The following TET2 variants were observed in gnomAD, a reference collection of about 807,000 sequenced individuals.
TET2 encodes tet methylcytosine dioxygenase 2, also known as methylcytosine dioxygenase TET2.
In TET2, 299 loss-of-function variants were observed where a neutral mutation model predicts 142.9. The observed-to-expected ratio is 2.09, with a 90% CI of 1.90 to 2.30. TET2 has a LOEUF of 2.30. Among genes scored for constraint, TET2 ranks in the 30% most tolerant of loss-of-function variants. The pLI is 0.00. For synonymous variants in TET2, 819 were observed against 849.0 expected (o/e 0.96, Z 0.61); for missense variants, 2,418 against 2,378.0 (o/e 1.02, Z -0.35).
chr4:105,218,090 T>C (rs1350732486), intron 2 of TET2, among the ~76,000 whole-genome samples: 1 of 152,124 alleles, frequency 6.6e-6, no homozygotes, highest in African/African-American at 2.4e-5. Context: ...ATTCTGATTT[T>C]TAATTTTCAA....
rs2110313085 is a variant in TET2, at chr4:105,275,395, C to G, written c.4885C>G (p.Pro1629Ala). 1 of 1,551,620 alleles carries G rather than the reference C, an allele frequency of 6.4e-7. No homozygotes were observed. Among genetic ancestry groups the G allele is most frequent in the Non-Finnish European group, 8.7e-7 (1 of 1,146,976 alleles). The change falls in exon 11 of 11, where the codon CCA (proline) becomes GCA (alanine). Residue 1629 changes from proline (P) to alanine (A), a missense_variant. Coordinates refer to ENST00000380013, the MANE Select transcript of TET2 (RefSeq NM_001127208.3). ...GCTTTTGAATCAGAATACCCAATAT[C>G]CATCATATCAATGCAATGGAAACCT... ...PGLLNQNTQY[P>A]SYQCNGNLSV...
In TET2 at chr4:105,227,503, TAGCAAGG is replaced by T. The variant is rs1728258317; in HGVS notation, c.-46-6393_-46-6387del. ...TGAATTACAATGTGTAGACCTTCAA[TAGCAAGG>T]TGTTTGAATATTTAGTTGCACAATA... is the stretch of plus-strand genomic sequence containing the variant. On this transcript the variant is annotated intron_variant, in intron 2 of 10. Transcript: ENST00000380013. 1.5e-5 allele frequency among the ~76,000 whole-genome samples: 2 copies of T among 131,456 alleles called. 1 individual carries two copies. The highest frequency in any genetic ancestry group is 8.4e-5 in the African/African-American group (2 of 23,760). The allele number at this position is 131,456 out of a possible 152,430, so 86.2% of individuals were successfully genotyped here.
chr4:105,270,685 T>C (rs958320507), intron 9 of TET2, among the ~76,000 whole-genome samples: 5 of 150,890 alleles, frequency 3.3e-5, no homozygotes, highest in African/African-American at 1.2e-4. Context: ...TATATATATA[T>C]ATATATATAT....
At chr4:105,237,711 TGA>T (rs1002897307) in intron 3 of TET2, 12 of 1,284,606 alleles carry the variant, frequency 9.3e-6, no homozygotes, top group Non-Finnish European at 1.2e-5. Flanking sequence ...TCTATTAAAA[TGA>T]GAAAATAACG....
rs1020074224 is a variant in TET2 at position 105,277,071 on chromosome 4, T to C, written c.*552T>C. On this transcript the variant is annotated 3_prime_UTR_variant, in exon 11 of 11. Transcript: ENST00000380013. ...TTTATCAAAATAGCTACAGGAAACATGAATAGCAGGAAAACACTGAATTTG... is the reference window on the plus strand; with the variant it reads ...TTTATCAAAATAGCTACAGGAAACACGAATAGCAGGAAAACACTGAATTTG... 1.3e-5 allele frequency: 3 copies of C among 232,224 alleles called. No homozygotes were observed. In the Admixed American group the frequency reaches 1.7e-4, roughly 13 times the overall value. 14.4% of individuals were successfully genotyped at this position (232,224 alleles called of 1,614,324 possible).
At chr4:105,209,933 G>T (rs1313999432) in intron 2 of TET2, among the ~76,000 whole-genome samples, 3 of 152,144 alleles carry the variant, frequency 2.0e-5, no homozygotes, top group Non-Finnish European at 2.9e-5. Context: ...AGCCATGGTA[G>T]TAAAAGTAAG....
chr4:105,214,127 A>G (rs995373944), intron 2 of TET2, among the ~76,000 whole-genome samples: 1 of 151,800 alleles, frequency 6.6e-6, no homozygotes, highest in African/African-American at 2.4e-5. Flanking sequence ...CTAGGACAAA[A>G]GTTTGCCATT....
chr4:105,272,637 C>A lies in TET2; in HGVS notation c.4256C>A (p.Pro1419His), dbSNP rs1360326496. The change falls in exon 10 of 11, where the codon CCT becomes CAT. Residue 1419 changes from proline (P) to histidine (H), a missense_variant. Physicochemically the swap from Pro to His is moderately conservative, Grantham distance 77. Transcript: ENST00000380013. Reference sequence around the variant, plus strand: ...GAGGATGAGCAGCTTCACGTTCTGCCTTTATACAAAGTCTCTGACGTGGAT... The same window carrying A: ...GAGGATGAGCAGCTTCACGTTCTGCATTTATACAAAGTCTCTGACGTGGAT... ...KPEDEQLHVL[P>H]LYKVSDVDEF... The A allele has an allele frequency of 6.4e-7, 1 of 1,551,542 alleles. No individual in the cohort carries two copies.
rs2110311901 is a variant in TET2, at chr4:105,275,149, C to T, written c.4639C>T (p.Gln1547Ter). The change falls in exon 11 of 11, where the codon CAG becomes TAG. Residue 1547 changes from glutamine to a stop codon, truncating the protein, a stop_gained. Transcript: ENST00000380013. LOFTEE classifies it low-confidence loss of function (END_TRUNC). ...CCAGCAGCAGCAGAGACCCCAGCAG[C>T]AGCAGCCACATCACCCTCAGACAGA... is the stretch of plus-strand genomic sequence containing the variant. Reference protein sequence around the residue: ...QPQQQQRPQQQQPHHPQTESV... With the variant: ...QPQQQQRPQQ 1 of 1,552,060 alleles carries T rather than the reference C, an allele frequency of 6.4e-7. No individual in the cohort carries two copies. Among genetic ancestry groups the T allele is most frequent in the Non-Finnish European group, 8.7e-7 (1 of 1,147,034 alleles).
In TET2 at chr4:105,237,201, T is replaced by TG; in HGVS notation, c.3259_3260insG (p.Ser1087CysfsTer17). On this transcript the variant is annotated frameshift_variant, in exon 3 of 11. Coordinates refer to ENST00000380013, the MANE Select transcript of TET2 (RefSeq NM_001127208.3). LOFTEE classifies it high-confidence loss of function. ...CCCAGCTTTAGAGCAGCAAACAACT[T>TG]CTTCAGAAAAGACACCAACCAAAAG... is the stretch of plus-strand genomic sequence containing the variant. 6.2e-7 allele frequency: 1 copy of TG among 1,614,076 alleles called. No individual in the cohort carries two copies. The highest frequency in any genetic ancestry group is 1.1e-5 in the South Asian group (1 of 91,086).
intron 2 of TET2, among the ~76,000 whole-genome samples, chr4:105,231,910 G>A (rs1283214992): frequency 1.3e-5 from 2 of 152,094 alleles, no homozygotes; most frequent in Non-Finnish European, 2.9e-5. Flanking sequence ...AGATTCAAGG[G>A]TACAAGTGCA....
At chr4:105,174,227 C>A (rs1724646867) in intron 1 of TET2, among the ~76,000 whole-genome samples, 1 of 152,144 alleles carries the variant, frequency 6.6e-6, no homozygotes, top group Non-Finnish European at 1.5e-5. Flanking sequence ...TATTTTATCA[C>A]TGCATTCTTC....
chr4:105,221,733 CTTTAAG>C (rs1344756172), intron 2 of TET2, among the ~76,000 whole-genome samples: 7 of 151,246 alleles, frequency 4.6e-5, no homozygotes, highest in Non-Finnish European at 8.8e-5. Context: ...TATTATTATA[CTTTAAG>C]TTTTAGGGTA....
chr4:105,259,899 C>A, intron 7 of TET2, 130 bp downstream of exon 7: 2 of 818,556 alleles, frequency 2.4e-6, no homozygotes, highest in East Asian at 3.0e-5. Flanking sequence ...TGTAGATACA[C>A]ACTATTTTTT....
rs181578681 is a variant in TET2 at position 105,180,764 on chromosome 4, C to T, written c.-192-9596C>T. Among the ~76,000 whole-genome samples the T allele has an allele frequency of 3.0e-3, 460 of 152,100 alleles. 5 individuals are homozygous for T. The highest frequency in any genetic ancestry group is 7.6e-4 in the Non-Finnish European group (52 of 67,986). On this transcript the variant is annotated intron_variant, in intron 1 of 10. Coordinates refer to ENST00000380013, the MANE Select transcript of TET2 (RefSeq NM_001127208.3). ...AAGCGATTCTCCTGCCTCAGCCTGC[C>T]GGGTAGCTAGAATTACAGGCATGTG...
At chr4:105,244,672 C>T (rs558527883) in intron 6 of TET2, among the ~76,000 whole-genome samples, 163 of 146,176 alleles carry the variant, frequency 1.1e-3, no homozygotes, top group African/African-American at 4.0e-3. Context: ...CTTGGTTCAC[C>T]GCGACCTCCA....
intron 1 of TET2, among the ~76,000 whole-genome samples, chr4:105,182,157 A>T (rs1250580902): frequency 6.6e-6 from 1 of 152,202 alleles, no homozygotes. Flanking sequence ...GACTTGTAAC[A>T]GTTGCTTAAT....
intron 6 of TET2, 34 bp downstream of exon 6, chr4:105,243,812 G>C (rs1013388362): frequency 1.3e-6 from 2 of 1,534,222 alleles, no homozygotes; most frequent in South Asian, 2.4e-5. Context: ...CCCTCTTTGC[G>C]GCCACTGATA....
Position 105,272,776 on chromosome 4 carries a change from A to G in TET2, c.4395A>G (p.Arg1465=). ...TAGCAGAGCCAGTCAAGACTTGCCG[A>G]CAAAGGAAACTAGAAGCCAAGAAAG... ...RMLAEPVKTC[R]QRKLEAKKAA... Residue 1465 remains arginine (R), a synonymous_variant, in exon 10 of 11, where the codon CGA becomes CGG. Coordinates refer to ENST00000380013, the MANE Select transcript of TET2 (RefSeq NM_001127208.3). 1 of 1,551,682 alleles carries G rather than the reference A, an allele frequency of 6.4e-7. No homozygotes were observed. Among genetic ancestry groups the G allele is most frequent in the Non-Finnish European group, 8.7e-7 (1 of 1,146,960 alleles).
Sources: gnomAD v4.1 joint callset for allele counts (sites outside exome capture counted in the v4.1 genomes callset) on GRCh38, gnomAD v4.1.1 for gene constraint, MANE v1.5 for transcripts, NCBI Gene and HGNC (gene_info 2026-07-23, HGNC 2026-07-21) for gene names.